Variants in KHDRBS2 observed in about 807,000 individuals in gnomAD.
KHDRBS2 encodes KH RNA binding domain containing, signal transduction associated 2.
Under a neutral mutation model 44.3 loss-of-function variants are expected in KHDRBS2, and 26 were observed. That is an observed-to-expected ratio of 0.59 (90% confidence interval 0.43 to 0.81). KHDRBS2 has a LOEUF of 0.81. KHDRBS2 is among the 40% of genes least tolerant of loss of function. KHDRBS2 has a pLI of 0.00. For synonymous variants in KHDRBS2, 194 were observed against 151.1 expected (o/e 1.28, Z -2.08); for missense variants, 476 against 433.1 (o/e 1.10, Z -0.88).
At chr6:61,953,303 C>A (rs908656381) in intron 4 of KHDRBS2, among the ~76,000 whole-genome samples, 4 of 151,956 alleles carry the variant, frequency 2.6e-5, no homozygotes, top group Non-Finnish European at 1.5e-5. Flanking sequence ...CCCAAACGAT[C>A]TTGTGTGAGT....
chr6:62,101,823 A>G (rs1302659750), intron 2 of KHDRBS2, among the ~76,000 whole-genome samples: 2 of 152,228 alleles, frequency 1.3e-5, no homozygotes, highest in Non-Finnish European at 2.9e-5. Flanking sequence ...CAAATACCAC[A>G]TGACTTTCTT....
At chr6:61,623,083 ACAGT>A in the KHDRBS2 span, among the ~76,000 whole-genome samples, 1 of 151,994 alleles carries the variant, frequency 6.6e-6, no homozygotes, top group African/African-American at 2.4e-5. Context: ...AATTAGATGG[ACAGT>A]CAATGAGGGG....
intron 1 of KHDRBS2, among the ~76,000 whole-genome samples, chr6:62,247,068 C>A (rs2150171781): frequency 6.6e-6 from 1 of 152,058 alleles, no homozygotes; most frequent in Middle Eastern, 3.4e-3. Flanking sequence ...AGCAGATTTC[C>A]TCTTAAAGTA....
At chr6:61,735,827 G>C (rs1775238669) in intron 6 of KHDRBS2, among the ~76,000 whole-genome samples, 1 of 152,048 alleles carries the variant, frequency 6.6e-6, no homozygotes, top group Non-Finnish European at 1.5e-5. Flanking sequence ...CTTTTAATCA[G>C]AATTTTGAGA....
chr6:62,072,792 C>G (rs1342171053), intron 2 of KHDRBS2, among the ~76,000 whole-genome samples: 3 of 152,040 alleles, frequency 2.0e-5, no homozygotes, highest in African/African-American at 4.8e-5. Context: ...GGATATTGGT[C>G]TAAAATTCTC....
chr6:61,569,999 TA>T, the KHDRBS2 span, among the ~76,000 whole-genome samples: 4 of 152,048 alleles, frequency 2.6e-5, no homozygotes, highest in Middle Eastern at 3.2e-3. Flanking sequence ...GTAATTCTGG[TA>T]TTATGACAAA....
the KHDRBS2 span, among the ~76,000 whole-genome samples, chr6:61,567,879 T>C: frequency 6.6e-6 from 1 of 152,284 alleles, no homozygotes; most frequent in South Asian, 2.1e-4. Flanking sequence ...GAGGGTGATC[T>C]AGCTGTGATC....
chr6:61,819,183 A>G (rs925830704), intron 6 of KHDRBS2, among the ~76,000 whole-genome samples: 5 of 152,004 alleles, frequency 3.3e-5, no homozygotes, highest in Non-Finnish European at 7.4e-5. Flanking sequence ...TGTAAACTAT[A>G]AAATGATTTC....
chr6:61,992,612 T>C (rs560045933), intron 3 of KHDRBS2, among the ~76,000 whole-genome samples: 210 of 152,160 alleles, frequency 1.4e-3, no homozygotes, highest in Non-Finnish European at 2.4e-3. Context: ...TGTGTGTGTT[T>C]GTGCGCGCGT....
intron 6 of KHDRBS2, among the ~76,000 whole-genome samples, chr6:61,747,314 T>C (rs1296964074): frequency 6.6e-6 from 1 of 152,180 alleles, no homozygotes; most frequent in Non-Finnish European, 1.5e-5. Flanking sequence ...CATCCCATAA[T>C]GATTCCTGCC....
intron 2 of KHDRBS2, among the ~76,000 whole-genome samples, chr6:62,075,780 C>T (rs919875787): frequency 6.6e-6 from 1 of 151,696 alleles, no homozygotes; most frequent in Non-Finnish European, 1.5e-5. Flanking sequence ...TAAGGTAACA[C>T]TCAGCCTCTG....
the KHDRBS2 span, among the ~76,000 whole-genome samples, chr6:61,611,883 A>G: frequency 6.6e-6 from 1 of 152,090 alleles, no homozygotes; most frequent in Non-Finnish European, 1.5e-5. Context: ...GTTTATGTCC[A>G]CGTGAGCTTA....
At chr6:62,231,599 T>G (rs1832911020) in intron 1 of KHDRBS2, among the ~76,000 whole-genome samples, 1 of 152,144 alleles carries the variant, frequency 6.6e-6, no homozygotes, top group African/African-American at 2.4e-5. Flanking sequence ...CATGCCAAGA[T>G]TATTCAACAG....
At chr6:61,901,515 AATG>A in intron 4 of KHDRBS2, 144 bp from the exon 5 acceptor site, 1 of 638,202 alleles carries the variant, frequency 1.6e-6, no homozygotes, top group East Asian at 2.8e-5. Context: ...AAAAATATAA[AATG>A]ATATTAAAAA....
intron 3 of KHDRBS2, among the ~76,000 whole-genome samples, chr6:61,998,418 A>G (rs1777624529): frequency 6.6e-6 from 1 of 152,118 alleles, no homozygotes; most frequent in Non-Finnish European, 1.5e-5. Flanking sequence ...TAGCAAAATG[A>G]GATTTTCATT....
intron 2 of KHDRBS2, among the ~76,000 whole-genome samples, chr6:62,066,172 C>T (rs1347830480): frequency 6.6e-6 from 1 of 151,564 alleles, no homozygotes; most frequent in Non-Finnish European, 1.5e-5. Flanking sequence ...ACAAACAGTC[C>T]TAATCTTAAT....
intron 4 of KHDRBS2, among the ~76,000 whole-genome samples, chr6:61,955,264 A>T (rs1158026921): frequency 7.9e-5 from 6 of 76,084 alleles, no homozygotes; most frequent in South Asian, 3.6e-4. Flanking sequence ...ATATGTATAC[A>T]TATACGTGTA....
At chr6:62,199,267 T>G (rs1165028147) in intron 1 of KHDRBS2, among the ~76,000 whole-genome samples, 4 of 151,974 alleles carry the variant, frequency 2.6e-5, no homozygotes, top group South Asian at 2.1e-4. Flanking sequence ...GAAATAAAGG[T>G]CATTCAATTA....
intron 1 of KHDRBS2, among the ~76,000 whole-genome samples, chr6:62,223,103 G>C (rs530334938): frequency 1.3e-5 from 2 of 152,224 alleles, no homozygotes; most frequent in Non-Finnish European, 2.9e-5. Flanking sequence ...TCCTAGCAAA[G>C]GTTCTCCATG....
Sources: allele counts gnomAD v4.1 joint callset (sites outside exome capture counted in the v4.1 genomes callset), GRCh38; gene constraint gnomAD v4.1.1; transcripts MANE v1.5; gene names NCBI Gene and HGNC (gene_info 2026-07-23, HGNC 2026-07-21).